The following TM6SF2 variants were observed in gnomAD, a reference collection of about 807,000 sequenced individuals.
TM6SF2 encodes transmembrane 6 superfamily member 2.
Under a neutral mutation model 41.0 loss-of-function variants are expected in TM6SF2, and 29 were observed. The ratio of observed to expected loss-of-function variants is 0.71; its 90% CI spans 0.53 to 0.96. TM6SF2 has a LOEUF of 0.96. Ranked by LOEUF, TM6SF2 falls within the 50% of genes least tolerant of loss-of-function variation. The pLI, the probability that TM6SF2 is intolerant of heterozygous loss-of-function variation, is 0.00. For synonymous variants in TM6SF2, 200 were observed against 209.1 expected (o/e 0.96, Z 0.37); for missense variants, 475 against 499.0 (o/e 0.95, Z 0.46).
intron 1 of TM6SF2, 127 bp from the exon 2 acceptor site, chr19:19,271,252 C>T: frequency 1.3e-6 from 1 of 744,092 alleles, no homozygotes; most frequent in Non-Finnish European, 2.4e-6. Context: ...TCTGTTCATC[C>T]ATCAATGCTG....
At chr19:19,266,055 A>C (rs1036068899) in intron 9 of TM6SF2, among the ~76,000 whole-genome samples, 1 of 152,020 alleles carries the variant, frequency 6.6e-6, no homozygotes, top group African/African-American at 2.4e-5. Context: ...CCCTCAGTAC[A>C]AGCCCCTAGT....
intron 1 of TM6SF2, among the ~76,000 whole-genome samples, chr19:19,272,317 C>A (rs1270656193): frequency 1.3e-5 from 2 of 152,188 alleles, no homozygotes; most frequent in Non-Finnish European, 2.9e-5. Flanking sequence ...AATCTTTGTA[C>A]ACAGTTTATA....
At chr19:19,267,368 A>T (rs970260156) in intron 8 of TM6SF2, among the ~76,000 whole-genome samples, 9 of 49,542 alleles carry the variant, frequency 1.8e-4, no homozygotes, top group Non-Finnish European at 2.1e-4. Context: ...AACTCTGTTT[A>T]AAAAAAAAAA....
At chr19:19,270,966 A>T in intron 2 of TM6SF2, 56 bp downstream of exon 2, 1 of 1,458,744 alleles carries the variant, frequency 6.9e-7, no homozygotes, top group Non-Finnish European at 9.6e-7. Context: ...CCCAAGTCTG[A>T]GGGTGGAGGC....
At chr19:19,265,866 C>T (rs1205208786) in intron 9 of TM6SF2, among the ~76,000 whole-genome samples, 3 of 152,166 alleles carry the variant, frequency 2.0e-5, no homozygotes, top group African/African-American at 7.2e-5. Context: ...AGATCCTCCT[C>T]CCAGTCTTCC....
rs528780612 is a variant in TM6SF2, at chr19:19,268,769, G to T, written c.485-15C>A. Reference sequence around the variant, plus strand: ...GCTGTATTTGCCTTCCATGGTGCAGGAGAGAGGGCATCAGCCATGCCAGAA... The same window carrying T: ...GCTGTATTTGCCTTCCATGGTGCAGTAGAGAGGGCATCAGCCATGCCAGAA... On this transcript the variant is annotated splice_polypyrimidine_tract_variant and intron_variant, in intron 5 of 9. Coordinates refer to ENST00000389363, the MANE Select transcript of TM6SF2 (RefSeq NM_001001524.3). 74 of 1,582,752 alleles carry T rather than the reference G, an allele frequency of 4.7e-5. 1 individual carries two copies. In the South Asian group the frequency reaches 8.5e-4, roughly 18 times the overall value.
intron 9 of TM6SF2, among the ~76,000 whole-genome samples, chr19:19,265,827 T>G (rs910194439): frequency 6.6e-6 from 1 of 152,134 alleles, no homozygotes; most frequent in African/African-American, 2.4e-5. Context: ...TCCTGGGCCC[T>G]GCACCCCATC....
intron 1 of TM6SF2, 60 bp downstream of exon 1, chr19:19,273,061 T>TGGCCCCCCCCCCCCCCCCCCCCCCCCCC: frequency 3.3e-6 from 1 of 305,470 alleles, no homozygotes; most frequent in South Asian, 2.9e-5. Flanking sequence ...CCTCCAGTCC[T>TGGCCCCCCCCCCCCCCCCCCCCCCCCCC]CCCCGCCCCC....
intron 4 of TM6SF2, 135 bp downstream of exon 4, chr19:19,270,038 C>T: frequency 6.5e-7 from 1 of 1,530,820 alleles, no homozygotes; most frequent in Non-Finnish European, 8.8e-7. Context: ...CTCCTGGCCA[C>T]CCCTGGCTGG....
rs536617790 is a variant in TM6SF2 at position 19,267,788 on chromosome 19, C to T, written c.712-75G>A. ...AGCCTCCCCCACCCTCCCAGGCCCA[C>T]ACCCCTTGCTCTGGCCTCTCCCAGC... On this transcript the variant is annotated intron_variant, in intron 7 of 9. Coordinates refer to ENST00000389363, the MANE Select transcript of TM6SF2 (RefSeq NM_001001524.3). 8.4e-6 allele frequency: 12 copies of T among 1,425,970 alleles called. No homozygotes were observed. The African/African-American group carries it at 1.4e-4, about 17-fold the overall frequency. The allele number at this position is 1,425,970 out of a possible 1,614,324, so 88.3% of individuals were successfully genotyped here.
chr19:19,268,578 G>A (rs752303575), intron 6 of TM6SF2, 52 bp downstream of exon 6: 68 of 1,513,844 alleles, frequency 4.5e-5, no homozygotes, highest in South Asian at 1.0e-4. Flanking sequence ...CAACTGACAC[G>A]GGGAAAGTTC....
chr19:19,273,081 CACTGTCCCCAAGGCCG>C, intron 1 of TM6SF2, 24 bp downstream of exon 1: 1 of 962,300 alleles, frequency 1.0e-6, no homozygotes, highest in South Asian at 1.7e-5. Context: ...CGCCCGCCCC[CACTGTCCCCAAGGCCG>C]CCCTGGCCCC....
intron 5 of TM6SF2, among the ~76,000 whole-genome samples, chr19:19,269,080 G>A (rs2061013767): frequency 2.0e-5 from 3 of 151,996 alleles, no homozygotes; most frequent in Admixed American, 6.6e-5. Flanking sequence ...AGACCAGCCT[G>A]AGCAACATAA....
intron 8 of TM6SF2, among the ~76,000 whole-genome samples, chr19:19,267,386 GAA>G (rs68050962): frequency 0.2 from 28,315 of 140,926 alleles, 2,978 homozygotes; most frequent in South Asian, 0.35. Flanking sequence ...AAAAAAAAAA[GAA>G]AAAGAAAGAA....
At chr19:19,266,643 T>C (rs770302899) in intron 8 of TM6SF2, 34 bp from the exon 9 acceptor site, 8 of 1,589,650 alleles carry the variant, frequency 5.0e-6, no homozygotes, top group Admixed American at 1.8e-5. Context: ...CACCAGCCTG[T>C]GAGATGAGCA....
intron 7 of TM6SF2, 129 bp from the exon 8 acceptor site, chr19:19,267,842 A>G: frequency 9.1e-7 from 1 of 1,096,568 alleles, no homozygotes; most frequent in Admixed American, 2.2e-5. Context: ...GCTGGGAGAA[A>G]TGGGGCTTTG....
chr19:19,266,480 G>A lies in TM6SF2; in HGVS notation c.924+10C>T, dbSNP rs754290724. ...CACATGCCTGCTCACCCACCCATCC[G>A]CCACCTCACCTGGCCGATGCCTCCA... On this transcript the variant is annotated intron_variant, in intron 9 of 9. Coordinates refer to ENST00000389363, the MANE Select transcript of TM6SF2 (RefSeq NM_001001524.3). 22 of 1,612,864 alleles carry A rather than the reference G, an allele frequency of 1.4e-5. No individual in the cohort carries two copies. The highest frequency in any genetic ancestry group is 1.6e-4 in the Middle Eastern group (1 of 6,082).
chr19:19,266,339 C>T lies in TM6SF2; in HGVS notation c.924+151G>A, dbSNP rs953320098. ...AGTGTCTGTATCTGGCTTTGTCTCC[C>T]CTAGACTAGGGAATCCTGGGATATT... On this transcript the variant is annotated intron_variant, in intron 9 of 9. Coordinates refer to ENST00000389363, the MANE Select transcript of TM6SF2 (RefSeq NM_001001524.3). The T allele has an allele frequency of 2.2e-5, 26 of 1,187,756 alleles. No individual in the cohort carries two copies. In the Middle Eastern group the frequency reaches 1.3e-3, roughly 59 times the overall value. 73.6% of individuals were successfully genotyped at this position (1,187,756 alleles called of 1,614,324 possible).
chr19:19,266,740 G>T, intron 8 of TM6SF2, 131 bp from the exon 9 acceptor site: 1 of 1,094,860 alleles, frequency 9.1e-7, no homozygotes, highest in Non-Finnish European at 1.3e-6. Context: ...CAGGCTCTCT[G>T]CAAAGTGCTC....
Sources: allele counts gnomAD v4.1 joint callset (sites outside exome capture counted in the v4.1 genomes callset), GRCh38; gene constraint gnomAD v4.1.1; transcripts MANE v1.5; gene names NCBI Gene and HGNC (gene_info 2026-07-23, HGNC 2026-07-21).